Variants in ADA observed in about 807,000 individuals in gnomAD.
ADA encodes adenosine aminohydrolase.
A neutral mutation model predicts 49.0 loss-of-function variants in ADA; 45 were observed. The ratio of observed to expected loss-of-function variants is 0.92; its 90% confidence interval spans 0.72 to 1.18. The LOEUF is 1.18. Among genes scored for constraint, ADA ranks in the 50% most tolerant of loss-of-function variants. The pLI is 0.00. For synonymous variants in ADA, 173 were observed against 184.2 expected (o/e 0.94, Z 0.49); for missense variants, 445 against 472.5 (o/e 0.94, Z 0.54).
intron 1 of ADA, among the ~76,000 whole-genome samples, chr20:44,641,079 C>A (rs1302368548): frequency 6.6e-6 from 1 of 152,152 alleles, no homozygotes. Context: ...CATGGTCAGG[C>A]CCTGCTGGAG....
At chr20:44,632,208 G>A (rs958160592) in intron 2 of ADA, among the ~76,000 whole-genome samples, 28 of 152,192 alleles carry the variant, frequency 1.8e-4, no homozygotes, top group African/African-American at 6.7e-4. Context: ...GGAGGGGTCT[G>A]TACTAAAGCT....
chr20:44,642,501 C>T (rs2065546141), intron 1 of ADA, among the ~76,000 whole-genome samples: 1 of 152,144 alleles, frequency 6.6e-6, no homozygotes, highest in Admixed American at 6.5e-5. Flanking sequence ...TGGCTCCAGG[C>T]AGGGGAGCTG....
At chr20:44,647,811 G>A (rs933026437) in intron 1 of ADA, among the ~76,000 whole-genome samples, 3 of 152,016 alleles carry the variant, frequency 2.0e-5, no homozygotes, top group Non-Finnish European at 2.9e-5. Flanking sequence ...CAGCTACTCC[G>A]GAGGCTGAGG....
In ADA at chr20:44,626,310, C is replaced by T. The variant is rs536272129; in HGVS notation, c.362+146G>A. On this transcript the variant is annotated intron_variant, in intron 4 of 11. Coordinates refer to ENST00000372874, the MANE Select transcript of ADA (RefSeq NM_000022.4). ...CACGTCTCTTGTGACAGAGTTAAACCCATCTTTCTGAGGCCATGGACCAGA... is the reference window on the plus strand; with the variant it reads ...CACGTCTCTTGTGACAGAGTTAAACTCATCTTTCTGAGGCCATGGACCAGA... 18 of 1,121,260 alleles carry T rather than the reference C, an allele frequency of 1.6e-5. No homozygotes were observed. In the East Asian group the frequency reaches 4.3e-4, roughly 27 times the overall value. 69.5% of individuals were successfully genotyped at this position (1,121,260 alleles called of 1,614,324 possible).
chr20:44,651,090 G>T (rs531590604), intron 1 of ADA, among the ~76,000 whole-genome samples: 3 of 152,294 alleles, frequency 2.0e-5, no homozygotes, highest in East Asian at 1.9e-4. Context: ...CAGGGCTCAC[G>T]GTTCTTCCCC....
intron 1 of ADA, among the ~76,000 whole-genome samples, chr20:44,644,168 C>CA (rs1568856083): frequency 2.7e-5 from 3 of 112,392 alleles, no homozygotes; most frequent in African/African-American, 4.0e-5. Flanking sequence ...TGGAGGTAGA[C>CA]GCCCTGCTCG....
intron 5 of ADA, among the ~76,000 whole-genome samples, chr20:44,624,711 C>T (rs764289426): frequency 6.6e-6 from 1 of 152,190 alleles, no homozygotes; most frequent in Non-Finnish European, 1.5e-5. Context: ...AACGGAGGAC[C>T]GTTTAACACG....
At position 44,648,723 on chromosome 20, in the gene ADA, C is replaced by T. The variant is rs557439498; in HGVS notation, c.33+2852G>A. 5.9e-5 allele frequency among the ~76,000 whole-genome samples: 9 copies of T among 152,102 alleles called. No individual in the cohort carries two copies. In the South Asian group the frequency reaches 8.3e-4, roughly 14 times the overall value. Reference sequence around the variant, plus strand: ...TATCCATTGGAGTCAATAGGGGTCCCGCACAACAGAAGGCAGCTGCCTAGG... The same window carrying T: ...TATCCATTGGAGTCAATAGGGGTCCTGCACAACAGAAGGCAGCTGCCTAGG... On this transcript the variant is annotated intron_variant, in intron 1 of 11. Transcript: ENST00000372874.
chr20:44,649,973 G>A (rs538351553), intron 1 of ADA, among the ~76,000 whole-genome samples: 31 of 152,144 alleles, frequency 2.0e-4, no homozygotes, highest in Non-Finnish European at 3.8e-4. Context: ...CTGGCCTCAT[G>A]ATCCACCCAC....
intron 1 of ADA, among the ~76,000 whole-genome samples, chr20:44,641,675 C>T (rs545786508): frequency 5.3e-5 from 8 of 151,558 alleles, no homozygotes; most frequent in South Asian, 2.1e-4. Flanking sequence ...TGAATGGGGG[C>T]GGTAGTCACG....
chr20:44,646,845 G>C (rs1170044261), intron 1 of ADA, among the ~76,000 whole-genome samples: 7 of 151,798 alleles, frequency 4.6e-5, no homozygotes. Context: ...GCAAAGCAAT[G>C]AACAGCTTCT....
intron 1 of ADA, among the ~76,000 whole-genome samples, chr20:44,650,168 A>G (rs1369902781): frequency 6.6e-6 from 1 of 152,248 alleles, no homozygotes; most frequent in African/African-American, 2.4e-5. Context: ...CCCCAGCTCC[A>G]GTAAGACGTG....
intron 10 of ADA, 79 bp from the exon 11 acceptor site, chr20:44,620,480 C>A (rs2065319026): frequency 5.9e-6 from 7 of 1,192,766 alleles, no homozygotes; most frequent in African/African-American, 1.5e-5. Context: ...GATAGTCCAT[C>A]CTCTTCACTC....
intron 2 of ADA, among the ~76,000 whole-genome samples, chr20:44,634,399 C>CT (rs1421618625): frequency 6.6e-6 from 1 of 152,344 alleles, no homozygotes; most frequent in East Asian, 1.9e-4. Flanking sequence ...ACGGGCGTCA[C>CT]TTACCAAAAC....
intron 1 of ADA, among the ~76,000 whole-genome samples, chr20:44,642,592 C>G (rs1019650825): frequency 6.6e-6 from 1 of 151,980 alleles, no homozygotes; most frequent in African/African-American, 2.4e-5. Flanking sequence ...GAAATGAGGC[C>G]AGGGCAAAGT....
chr20:44,648,241 C>G (rs58623312), intron 1 of ADA, among the ~76,000 whole-genome samples: 7,396 of 152,108 alleles, frequency 0.049, 620 homozygotes, highest in African/African-American at 0.16. Flanking sequence ...CAGTGCCCAG[C>G]AGGTGCTAAG....
At chr20:44,633,703 GT>G (rs1231320884) in intron 2 of ADA, among the ~76,000 whole-genome samples, 1 of 152,226 alleles carries the variant, frequency 6.6e-6, no homozygotes, top group African/African-American at 2.4e-5. Flanking sequence ...AGAGCAGCCA[GT>G]TTCAGAATCT....
Position 44,626,241 on chromosome 20 carries a change from T to C in ADA, c.362+215A>G, listed in dbSNP as rs1241904468. On this transcript the variant is annotated intron_variant, in intron 4 of 11. Coordinates refer to ENST00000372874, the MANE Select transcript of ADA (RefSeq NM_000022.4). ...GCCAGAGCAAGACACAGCCAAACAC[T>C]TGTGCCCAAGGTAAGAACATAACGG... is the stretch of plus-strand genomic sequence containing the variant. 8.8e-6 allele frequency: 6 copies of C among 683,618 alleles called. No homozygotes were observed. The Admixed American group carries it at 1.4e-4, about 16-fold the overall frequency. 42.3% of individuals were successfully genotyped at this position (683,618 alleles called of 1,614,324 possible). A position where few individuals can be genotyped will look rare whatever the true frequency, so the allele number is the denominator to read the frequency against.
At chr20:44,640,078 AGCTGTCTACAT>A (rs2065517612) in intron 1 of ADA, among the ~76,000 whole-genome samples, 1 of 152,022 alleles carries the variant, frequency 6.6e-6, no homozygotes, top group African/African-American at 2.4e-5. Context: ...GCCCCCACAA[AGCTGTCTACAT>A]GCTAATCCTA....
Sources: gnomAD v4.1 joint callset for allele counts (sites outside exome capture counted in the v4.1 genomes callset) on GRCh38, gnomAD v4.1.1 for gene constraint, MANE v1.5 for transcripts, NCBI Gene and HGNC (gene_info 2026-07-23, HGNC 2026-07-21) for gene names.